The following MANBA variants were observed in gnomAD, a reference collection of about 807,000 sequenced individuals.
MANBA encodes beta-mannosidase.
A neutral mutation model predicts 111.1 loss-of-function variants in MANBA; 83 were observed. The ratio of observed to expected loss-of-function variants is 0.75; its 90% CI spans 0.63 to 0.90. The LOEUF (loss-of-function observed/expected upper bound fraction) is 0.90, where lower values mean the gene tolerates loss of function less well. MANBA is among the 40% of genes least tolerant of loss of function. The probability of loss-of-function intolerance (pLI) is 0.00; values close to 1 mark genes in which losing one functional copy is unlikely to be tolerated. For missense variants in MANBA, 1,036 were observed against 1,069.0 expected (o/e 0.97, Z 0.43); for synonymous variants, 370 against 378.7 (o/e 0.98, Z 0.27).
intron 5 of MANBA, among the ~76,000 whole-genome samples, chr4:102,707,988 A>T (rs1027329905): frequency 2.0e-5 from 3 of 152,158 alleles, no homozygotes; most frequent in Admixed American, 1.3e-4. Flanking sequence ...TCTGCACCCA[A>T]CTTGGAGAAC....
intron 1 of MANBA, among the ~76,000 whole-genome samples, chr4:102,747,158 G>GATATATATATAT (rs144093849): frequency 6.9e-6 from 1 of 145,412 alleles, no homozygotes; most frequent in African/African-American, 2.7e-5. Flanking sequence ...GAACTAATGG[G>GATATATATATAT]ATATATATAT....
At chr4:102,750,924 A>T (rs1039416153) in intron 1 of MANBA, among the ~76,000 whole-genome samples, 4 of 152,192 alleles carry the variant, frequency 2.6e-5, no homozygotes, top group African/African-American at 4.8e-5. Context: ...AAAAACAAAA[A>T]AAATGATAAC....
intron 12 of MANBA, among the ~76,000 whole-genome samples, chr4:102,656,218 C>T (rs1730552246): frequency 6.6e-6 from 1 of 152,080 alleles, no homozygotes; most frequent in African/African-American, 2.4e-5. Flanking sequence ...CACTCCACTG[C>T]ACACCAGCCT....
At chr4:102,712,001 C>A (rs993995009) in intron 5 of MANBA, among the ~76,000 whole-genome samples, 2 of 152,084 alleles carry the variant, frequency 1.3e-5, no homozygotes, top group Admixed American at 6.5e-5. Flanking sequence ...TGTTTGACAG[C>A]ATAATAGTGT....
intron 12 of MANBA, among the ~76,000 whole-genome samples, chr4:102,654,396 T>C (rs561983660): frequency 1.3e-5 from 2 of 152,330 alleles, no homozygotes; most frequent in South Asian, 4.1e-4. Flanking sequence ...TTTCGTTAAT[T>C]AATTTTTTAA....
At chr4:102,729,966 T>G in intron 1 of MANBA, 1 of 1,012,610 alleles carries the variant, frequency 9.9e-7, no homozygotes, top group Non-Finnish European at 1.6e-6. Flanking sequence ...CAGGCTCTGG[T>G]TGACTGTGAT....
intron 2 of MANBA, among the ~76,000 whole-genome samples, chr4:102,724,705 A>G (rs1238419015): frequency 6.6e-6 from 1 of 152,208 alleles, no homozygotes; most frequent in African/African-American, 2.4e-5. Context: ...AAACTATAAC[A>G]GTGCCTGTAC....
chr4:102,720,144 T>C lies in MANBA; in HGVS notation c.549+2727A>G, dbSNP rs893184099. On this transcript the variant is annotated intron_variant, in intron 4 of 16. Transcript: ENST00000647097. ...TTTCAGTTTTGATAAAGGTTAAAAA[T>C]GGAAGGGGAAGCCAGCACAGTAGCT... Among the ~76,000 whole-genome samples the C allele has an allele frequency of 2.0e-5, 3 of 152,130 alleles. No individual in the cohort carries two copies. The South Asian group carries it at 6.2e-4, about 31-fold the overall frequency.
intron 1 of MANBA, chr4:102,727,901 A>G (rs1722871653): frequency 1.9e-6 from 1 of 515,640 alleles, no homozygotes; most frequent in South Asian, 1.8e-5. Context: ...GAGGCTTTTC[A>G]CTGCAGAGAA....
chr4:102,694,821 CAAGGCCTTG>C (rs1276764027), intron 5 of MANBA, among the ~76,000 whole-genome samples: 4 of 152,110 alleles, frequency 2.6e-5, no homozygotes, highest in African/African-American at 9.6e-5. Context: ...CTCCACAATT[CAAGGCCTTG>C]AGGCCCTCCC....
intron 2 of MANBA, among the ~76,000 whole-genome samples, chr4:102,725,826 A>C (rs1306918716): frequency 6.6e-6 from 1 of 152,224 alleles, no homozygotes; most frequent in African/African-American, 2.4e-5. Context: ...GAACACAGGA[A>C]GATGAAGAAA....
intron 5 of MANBA, among the ~76,000 whole-genome samples, chr4:102,692,076 T>C (rs1732501287): frequency 1.3e-5 from 2 of 152,182 alleles, no homozygotes; most frequent in Non-Finnish European, 2.9e-5. Flanking sequence ...CCCAGATCAA[T>C]GCGGAGTCAT....
intron 4 of MANBA, among the ~76,000 whole-genome samples, chr4:102,719,602 G>A (rs1166362792): frequency 2.0e-5 from 3 of 152,196 alleles, no homozygotes; most frequent in African/African-American, 4.8e-5. Context: ...TTCATTACCT[G>A]TAATTATAGT....
At chr4:102,636,994 A>C (rs187941794) in intron 14 of MANBA, among the ~76,000 whole-genome samples, 14 of 152,226 alleles carry the variant, frequency 9.2e-5, no homozygotes, top group African/African-American at 3.4e-4. Context: ...ATAGTGAATA[A>C]GTCTCACGAG....
intron 1 of MANBA, among the ~76,000 whole-genome samples, chr4:102,744,590 ATACCAGG>A (rs1198314291): frequency 2.6e-5 from 4 of 152,350 alleles, no homozygotes; most frequent in Admixed American, 6.5e-5. Context: ...CAATGGCTGC[ATACCAGG>A]TACCAGGAGA....
chr4:102,702,897 C>T (rs953689622), intron 5 of MANBA, among the ~76,000 whole-genome samples: 3 of 152,146 alleles, frequency 2.0e-5, no homozygotes, highest in Non-Finnish European at 4.4e-5. Flanking sequence ...AGGGGGAAGG[C>T]AGAAAGTGTC....
At chr4:102,644,809 A>G (rs1408026458) in intron 13 of MANBA, among the ~76,000 whole-genome samples, 2 of 152,166 alleles carry the variant, frequency 1.3e-5, no homozygotes, top group African/African-American at 4.8e-5. Flanking sequence ...CATATGTTTA[A>G]CAGCTTGAAT....
intron 7 of MANBA, among the ~76,000 whole-genome samples, chr4:102,680,195 G>T (rs1287004769): frequency 1.3e-5 from 2 of 152,016 alleles, no homozygotes; most frequent in South Asian, 4.2e-4. Flanking sequence ...TTTTGTTGTT[G>T]CACAGTAAAT....
intron 15 of MANBA, among the ~76,000 whole-genome samples, chr4:102,635,377 C>T (rs1729578419): frequency 6.6e-6 from 1 of 152,194 alleles, no homozygotes. Context: ...GTCCTCCAAA[C>T]TATAGCCACC....
Sources: allele counts gnomAD v4.1 joint callset (sites outside exome capture counted in the v4.1 genomes callset), GRCh38; gene constraint gnomAD v4.1.1; transcripts MANE v1.5; gene names NCBI Gene and HGNC (gene_info 2026-07-23, HGNC 2026-07-21).